The following RIMS2 variants were observed in gnomAD, a reference collection of about 807,000 sequenced individuals.
RIMS2 encodes regulating synaptic membrane exocytosis 2.
RIMS2 carries 59 observed loss-of-function variants against 174.4 expected under a neutral mutation model. The observed-to-expected ratio is 0.34, with a 90% CI of 0.27 to 0.42. The LOEUF is 0.42. RIMS2 is among the 10% of genes least tolerant of loss of function. RIMS2 has a pLI of 1.00. For synonymous variants in RIMS2, 606 were observed against 572.5 expected, an observed-to-expected ratio of 1.06 and a Z score of -0.84; for missense variants, 1,620 against 1,666.3, an observed-to-expected ratio of 0.97 and a Z score of 0.48.
intron 2 of RIMS2, among the ~76,000 whole-genome samples, chr8:103,698,712 C>G (rs972562024): frequency 2.0e-5 from 3 of 152,026 alleles, no homozygotes; most frequent in African/African-American, 7.2e-5. Flanking sequence ...CTCAAGTGTT[C>G]CTCCTGCCTC....
intron 19 of RIMS2, among the ~76,000 whole-genome samples, chr8:104,154,552 T>TA (rs1234222844): frequency 2.0e-5 from 3 of 152,176 alleles, no homozygotes; most frequent in Non-Finnish European, 4.4e-5. Flanking sequence ...TTAAAACAAA[T>TA]AAGAAATAGA....
At chr8:103,681,785 T>G (rs988582763) in intron 1 of RIMS2, among the ~76,000 whole-genome samples, 8 of 152,038 alleles carry the variant, frequency 5.3e-5, no homozygotes, top group Admixed American at 5.2e-4. Context: ...TAAGTAGAGA[T>G]AATTTTTTCT....
chr8:103,928,092 G>A (rs1335295826), intron 11 of RIMS2, among the ~76,000 whole-genome samples: 2 of 151,498 alleles, frequency 1.3e-5, no homozygotes, highest in South Asian at 2.1e-4. Context: ...GACAATCTTT[G>A]TTAGTGATTT....
chr8:103,897,312 C>T (rs2099290378), intron 4 of RIMS2, among the ~76,000 whole-genome samples: 1 of 151,662 alleles, frequency 6.6e-6, no homozygotes, highest in Admixed American at 6.6e-5. Flanking sequence ...GGCTGTGGTA[C>T]AGCACCAGTC....
intron 19 of RIMS2, among the ~76,000 whole-genome samples, chr8:104,160,699 T>G (rs938787876): frequency 2.0e-5 from 3 of 152,232 alleles, no homozygotes; most frequent in African/African-American, 4.8e-5. Flanking sequence ...TATTCATACA[T>G]TTATTCATTA....
intron 1 of RIMS2, among the ~76,000 whole-genome samples, chr8:103,631,875 A>G (rs2095932993): frequency 6.6e-6 from 1 of 151,984 alleles, no homozygotes; most frequent in Non-Finnish European, 1.5e-5. Context: ...TAGGTATTTT[A>G]TTCTGTTTGT....
intron 4 of RIMS2, among the ~76,000 whole-genome samples, chr8:103,893,744 C>A (rs1038999674): frequency 6.6e-6 from 1 of 151,968 alleles, no homozygotes; most frequent in African/African-American, 2.4e-5. Flanking sequence ...TATTGCCTAT[C>A]GGTTCTTTCA....
chr8:103,578,277 T>A (rs1184027397), intron 1 of RIMS2, among the ~76,000 whole-genome samples: 1 of 152,032 alleles, frequency 6.6e-6, no homozygotes, highest in Non-Finnish European at 1.5e-5. Context: ...TGCCTGTAAG[T>A]CCAGCACTTT....
intron 19 of RIMS2, among the ~76,000 whole-genome samples, chr8:104,067,441 C>A (rs2097125221): frequency 6.6e-6 from 1 of 152,074 alleles, no homozygotes; most frequent in African/African-American, 2.4e-5. Flanking sequence ...TATTGGCCAA[C>A]CTGTAGTGCA....
At chr8:104,093,699 T>G in intron 19 of RIMS2, 56 bp downstream of exon 24, 1 of 1,339,142 alleles carries the variant, frequency 7.5e-7, no homozygotes. Context: ...GTCTTTATGT[T>G]TCCCGGATGA....
intron 4 of RIMS2, among the ~76,000 whole-genome samples, chr8:103,904,995 G>T (rs1188065120): frequency 6.6e-6 from 1 of 151,942 alleles, no homozygotes; most frequent in Non-Finnish European, 1.5e-5. Context: ...CGTTTAACTA[G>T]ACTGGAATGT....
chr8:103,955,268 G>A (rs184463352), intron 14 of RIMS2, among the ~76,000 whole-genome samples: 57 of 152,218 alleles, frequency 3.7e-4, no homozygotes, highest in African/African-American at 1.2e-3. Flanking sequence ...GCATCATCCC[G>A]ATAACAAAAC....
In RIMS2 at chr8:103,535,895, G is replaced by T. The variant is rs543969656; in HGVS notation, c.176+34833G>T. On this transcript the variant is annotated intron_variant, in intron 1 of 23. Transcript: ENST00000504942. ...TTTATTATAGCAAAAAATCCAGGGG[G>T]AAGTTGCTACCATGCTTATTTTATA... Among the ~76,000 whole-genome samples the T allele has an allele frequency of 2.0e-5, 3 of 152,300 alleles. No individual in the cohort carries two copies. The South Asian group carries it at 6.2e-4, about 32-fold the overall frequency.
chr8:103,866,895 T>C (rs1391085742), intron 3 of RIMS2, among the ~76,000 whole-genome samples: 1 of 152,148 alleles, frequency 6.6e-6, no homozygotes, highest in East Asian at 1.9e-4. Flanking sequence ...TCAGGTGTTT[T>C]AAAATATTTA....
At chr8:103,838,209 G>A (rs1234381593) in intron 3 of RIMS2, among the ~76,000 whole-genome samples, 1 of 152,144 alleles carries the variant, frequency 6.6e-6, no homozygotes, top group Non-Finnish European at 1.5e-5. Context: ...GCCTTCCAGA[G>A]TGCTGAGATT....
intron 15 of RIMS2, among the ~76,000 whole-genome samples, chr8:103,967,564 C>T (rs181086813): frequency 3.0e-4 from 46 of 151,958 alleles, no homozygotes; most frequent in Middle Eastern, 3.4e-3. Flanking sequence ...GCAATCTTGG[C>T]TCACTGCAAC....
intron 1 of RIMS2, among the ~76,000 whole-genome samples, chr8:103,661,578 ACTGCAACTT>A (rs2096600905): frequency 6.6e-6 from 1 of 151,938 alleles, no homozygotes; most frequent in Non-Finnish European, 1.5e-5. Context: ...ATCTTGGCTC[ACTGCAACTT>A]CTGCCTCCCG....
rs375090056 is a variant in RIMS2, at chr8:104,221,466, A to G, written c.3335-23450A>G. ...TTTCTAAAATTCTATGATTCTTATAATGAAAATCTCATTTAATAAAATTTT... is the reference window on the plus strand; with the variant it reads ...TTTCTAAAATTCTATGATTCTTATAGTGAAAATCTCATTTAATAAAATTTT... On this transcript the variant is annotated intron_variant, in intron 19 of 23. Coordinates refer to ENST00000504942, the Ensembl canonical transcript of RIMS2. Among the ~76,000 whole-genome samples, 4 of 152,204 alleles carry G rather than the reference A, an allele frequency of 2.6e-5. No individual in the cohort carries two copies. In the East Asian group the frequency reaches 7.7e-4, roughly 29 times the overall value.
intron 1 of RIMS2, among the ~76,000 whole-genome samples, chr8:103,611,684 T>C (rs552481481): frequency 2.6e-5 from 4 of 151,810 alleles, no homozygotes; most frequent in African/African-American, 9.7e-5. Context: ...CTTTTTTTTT[T>C]CCTGCTTTTA....
Sources: gnomAD v4.1 joint callset for allele counts (sites outside exome capture counted in the v4.1 genomes callset) on GRCh38, gnomAD v4.1.1 for gene constraint, MANE v1.5 for transcripts, NCBI Gene and HGNC (gene_info 2026-07-23, HGNC 2026-07-21) for gene names.